Variants in CREBBP observed in about 807,000 individuals in gnomAD.
CREBBP encodes the protein CREB-binding protein.
CREBBP carries 19 observed loss-of-function variants against 265.0 expected under a neutral mutation model. The ratio of observed to expected loss-of-function variants is 0.07; its 90% CI spans 0.05 to 0.11. The LOEUF is 0.11. Among genes scored for constraint, CREBBP ranks in the 10% least tolerant of loss-of-function variants. The pLI is 1.00. For missense variants in CREBBP, 2,525 were observed against 3,219.0 expected, an observed-to-expected ratio of 0.78 and a Z score of 5.22; for synonymous variants, 1,457 against 1,223.7, an observed-to-expected ratio of 1.19 and a Z score of -3.98.
At chr16:3,748,320 A>C (rs1010935781) in intron 21 of CREBBP, among the ~76,000 whole-genome samples, 10 of 152,128 alleles carry the variant, frequency 6.6e-5, no homozygotes, top group Non-Finnish European at 1.5e-4. Flanking sequence ...ATAAATAATA[A>C]TGAAACTATA....
At chr16:3,824,055 A>G (rs74003416) in intron 2 of CREBBP, among the ~76,000 whole-genome samples, 4,809 of 152,320 alleles carry the variant, frequency 0.032, 176 homozygotes, top group African/African-American at 0.087. Flanking sequence ...CAGTGGTGAC[A>G]CACACAGGGC....
intron 2 of CREBBP, among the ~76,000 whole-genome samples, chr16:3,821,078 G>GC (rs2054132945): frequency 6.6e-6 from 1 of 152,200 alleles, no homozygotes; most frequent in Admixed American, 6.5e-5. Context: ...TCCTGTTTCT[G>GC]CCCCTCATCA....
intron 1 of CREBBP, among the ~76,000 whole-genome samples, chr16:3,873,006 C>G (rs1186591705): frequency 6.6e-6 from 1 of 152,218 alleles, no homozygotes; most frequent in Non-Finnish European, 1.5e-5. Flanking sequence ...CTTTCTGGTT[C>G]CAGAGTTTTT....
At chr16:3,800,682 G>A (rs985794281) in intron 3 of CREBBP, among the ~76,000 whole-genome samples, 3 of 152,028 alleles carry the variant, frequency 2.0e-5, no homozygotes, top group African/African-American at 7.3e-5. Flanking sequence ...AATTGCCACT[G>A]TACCCCAGCC....
chr16:3,764,180 C>T (rs2052791327), intron 16 of CREBBP, among the ~76,000 whole-genome samples: 1 of 152,094 alleles, frequency 6.6e-6, no homozygotes, highest in Admixed American at 6.5e-5. Flanking sequence ...GCTATGTTGC[C>T]CAGGCTGGCT....
intron 1 of CREBBP, among the ~76,000 whole-genome samples, chr16:3,867,636 G>A (rs2055203318): frequency 6.6e-6 from 1 of 151,678 alleles, no homozygotes. Context: ...AGAAAGCCTG[G>A]GCCGAGCATA....
At chr16:3,816,801 T>G (rs907431925) in intron 2 of CREBBP, among the ~76,000 whole-genome samples, 3 of 152,178 alleles carry the variant, frequency 2.0e-5, no homozygotes, top group African/African-American at 7.2e-5. Context: ...CTGCATCCCC[T>G]GCAACATACC....
At chr16:3,805,321 AT>A (rs1447534301) in intron 3 of CREBBP, among the ~76,000 whole-genome samples, 2 of 152,134 alleles carry the variant, frequency 1.3e-5, no homozygotes, top group Admixed American at 6.5e-5. Context: ...TCATAGTGTA[AT>A]TTTTCTATAG....
chr16:3,873,397 G>A (rs566642885), intron 1 of CREBBP, among the ~76,000 whole-genome samples: 4 of 152,082 alleles, frequency 2.6e-5, no homozygotes, highest in Non-Finnish European at 4.4e-5. Flanking sequence ...CAGAATTCCC[G>A]GCTATGTATC....
chr16:3,737,439 A>T (rs1014847228), intron 26 of CREBBP, among the ~76,000 whole-genome samples: 6 of 149,828 alleles, frequency 4.0e-5, no homozygotes, highest in Admixed American at 2.0e-4. Flanking sequence ...CAGGAGGAAC[A>T]TTTTTTTTCT....
At chr16:3,868,049 G>C (rs775219040) in intron 1 of CREBBP, among the ~76,000 whole-genome samples, 71 of 152,140 alleles carry the variant, frequency 4.7e-4, no homozygotes, top group Non-Finnish European at 8.1e-4. Context: ...CATAAAATGG[G>C]CTACTTAGGG....
In CREBBP at chr16:3,810,667, A is replaced by G; in HGVS notation, c.911T>C (p.Val304Ala). 6.2e-7 allele frequency: 1 copy of G among 1,613,746 alleles called. No homozygotes were observed. The highest frequency in any genetic ancestry group is 2.2e-5 in the East Asian group (1 of 44,840). The change falls in exon 3 of 31, where the codon GTC becomes GCC. Residue 304 changes from valine (V) to alanine (A), a missense_variant. Val to Ala is a moderately conservative substitution (Grantham distance 64). Coordinates refer to ENST00000262367, the MANE Select transcript of CREBBP (RefSeq NM_004380.3). ...NPQLASKQSM[V>A]NSLPTFPTDI... ...TGTAGGGAAGGTGGGCAAACTGTTGACCATGCTCTGTTTGCTGGCTAACTG... is the reference window on the plus strand; with the variant it reads ...TGTAGGGAAGGTGGGCAAACTGTTGGCCATGCTCTGTTTGCTGGCTAACTG...
chr16:3,768,147 T>TTTTTTTG (rs2052908605), intron 15 of CREBBP, among the ~76,000 whole-genome samples: 1 of 108,916 alleles, frequency 9.2e-6, no homozygotes, highest in African/African-American at 4.1e-5. Context: ...TTTTTTTTTT[T>TTTTTTTG]TTTTTTTTTT....
At chr16:3,759,979 C>T (rs78487339) in intron 16 of CREBBP, among the ~76,000 whole-genome samples, 3,582 of 152,282 alleles carry the variant, frequency 0.024, 169 homozygotes, top group East Asian at 0.2. Flanking sequence ...GTCACGACCC[C>T]ACCTGGCTCA....
intron 1 of CREBBP, among the ~76,000 whole-genome samples, chr16:3,861,652 CAAAAA>C (rs368654449): frequency 7.0e-4 from 85 of 121,092 alleles, no homozygotes; most frequent in Non-Finnish European, 1.3e-3. Flanking sequence ...CTCTCTATAC[CAAAAA>C]AAAAAAAAAA....
rs764972626 is a variant in CREBBP, at chr16:3,770,805, G to C, written c.2645C>G (p.Pro882Arg). Residue 882 changes from proline to arginine, a missense_variant, in exon 14 of 31, where the codon CCA (proline) becomes CGA (arginine). This residue lies in a region of CREBBP where 548 missense variants were observed against 533.0 expected (regional missense o/e 1.03). Transcript: ENST00000262367. ...AGTTGATGGCTGAGTGGGAGCTGCT[G>C]GCTGGGGAGGAGTCATCCCAGGTGG... ...TTPPGMTPPQPAAPTQPSTPV... is the reference protein window; with the variant it reads ...TTPPGMTPPQRAAPTQPSTPV... 4 of 1,614,098 alleles carry C rather than the reference G, an allele frequency of 2.5e-6. No individual in the cohort carries two copies. Among genetic ancestry groups the C allele is most frequent in the Non-Finnish European group, 3.4e-6 (4 of 1,180,016 alleles).
Position 3,850,606 on chromosome 16 carries a change from A to G in CREBBP, c.489T>C (p.Thr163=). 1 of 1,614,224 alleles carries G rather than the reference A, an allele frequency of 6.2e-7. No homozygotes were observed. Among genetic ancestry groups the G allele is most frequent in the East Asian group, 2.2e-5 (1 of 44,886 alleles). The part of the protein sequence containing the change: ...PQAQKQVGLA[T]SSPATSQTGP... ...CAGTCTGTGACGTGGCAGGGCTGCT[A>G]GTCGCCAGCCCCACTTGCTTTTGTG... The change falls in exon 2 of 31, where the codon ACT becomes ACC. Residue 163 remains threonine (T), a synonymous_variant. Transcript: ENST00000262367.
At chr16:3,860,514 C>A (rs2055051356) in intron 1 of CREBBP, among the ~76,000 whole-genome samples, 1 of 151,898 alleles carries the variant, frequency 6.6e-6, no homozygotes, top group African/African-American at 2.4e-5. Context: ...CACTGTGGCT[C>A]CAAAAAGAAT....
intron 1 of CREBBP, among the ~76,000 whole-genome samples, chr16:3,875,157 T>C (rs546983347): frequency 1.3e-3 from 203 of 152,306 alleles, no homozygotes; most frequent in African/African-American, 4.3e-3. Context: ...GTAAGTTATG[T>C]TCAATTCTGT....
Sources: allele counts gnomAD v4.1 joint callset (sites outside exome capture counted in the v4.1 genomes callset), GRCh38; gene constraint gnomAD v4.1.1; regional missense constraint gnomAD v4.1.1; transcripts MANE v1.5; gene names NCBI Gene and HGNC (gene_info 2026-07-23, HGNC 2026-07-21).